The following ANXA4 variants were observed in gnomAD, a reference collection of about 807,000 sequenced individuals.
ANXA4 encodes the protein 35-beta calcimedin.
A neutral mutation model predicts 49.8 loss-of-function variants in ANXA4; 39 were observed. The observed-to-expected ratio is 0.78, with a 90% confidence interval of 0.61 to 1.02. ANXA4 has a LOEUF of 1.02. Ranked by LOEUF, ANXA4 falls within the 50% of genes least tolerant of loss-of-function variation. ANXA4 has a pLI of 0.00. For missense variants in ANXA4, 360 were observed against 410.1 expected, an observed-to-expected ratio of 0.88 and a Z score of 1.05; for synonymous variants, 134 against 152.5, an observed-to-expected ratio of 0.88 and a Z score of 0.89.
chr2:69,808,007 T>A lies in ANXA4; in HGVS notation c.397+11T>A. The stretch of plus-strand genomic sequence containing the variant: ...AAACCTACCAGCAGCGTACGTGACA[T>A]CCGCAGTGGCCCTGGCTGAGGTTTC... On this transcript the variant is annotated intron_variant, in intron 6 of 12. Coordinates refer to ENST00000394295, the MANE Select transcript of ANXA4 (RefSeq NM_001153.5). The A allele has an allele frequency of 6.2e-7, 1 of 1,613,440 alleles. No individual in the cohort carries two copies.
intron 2 of ANXA4, among the ~76,000 whole-genome samples, chr2:69,653,862 C>T (rs1047712342): frequency 3.9e-5 from 6 of 152,156 alleles, no homozygotes; most frequent in African/African-American, 1.2e-4. Flanking sequence ...TGGATCTATA[C>T]ATTACTTTGG....
At chr2:69,736,507 A>G (rs1189246249) in intron 3 of ANXA4, among the ~76,000 whole-genome samples, 1 of 152,220 alleles carries the variant, frequency 6.6e-6, no homozygotes, top group Non-Finnish European at 1.5e-5. Flanking sequence ...TCTATAGTTA[A>G]GAAAAATTAG....
intron 5 of ANXA4, among the ~76,000 whole-genome samples, chr2:69,806,809 T>C (rs1005709424): frequency 6.6e-6 from 1 of 151,792 alleles, no homozygotes; most frequent in African/African-American, 2.4e-5. Context: ...CATGGACACA[T>C]AGAGGGGAAC....
At chr2:69,663,133 C>A (rs1266188033) in intron 2 of ANXA4, among the ~76,000 whole-genome samples, 1 of 150,160 alleles carries the variant, frequency 6.7e-6, no homozygotes, top group African/African-American at 2.4e-5. Flanking sequence ...GCTGGGACTA[C>A]AGGCGCCCAC....
upstream of ANXA4, chr2:69,644,065 G>T (rs1675891132): frequency 4.7e-6 from 1 of 210,890 alleles, no homozygotes; most frequent in African/African-American, 2.3e-5. Context: ...GGCGGCAGCC[G>T]TGTGGCCTCC....
intron 2 of ANXA4, among the ~76,000 whole-genome samples, chr2:69,679,897 C>A (rs751518611): frequency 2.0e-5 from 3 of 152,162 alleles, no homozygotes; most frequent in Admixed American, 6.6e-5. Context: ...ACTTTGATTG[C>A]TATGCTATAA....
intron 7 of ANXA4, chr2:69,811,045 C>A: frequency 5.8e-6 from 1 of 171,780 alleles, no homozygotes; most frequent in Non-Finnish European, 1.2e-5. Context: ...AAAGGAGAGG[C>A]GCATAGGAAA....
At chr2:69,654,046 A>G (rs1221739437) in intron 2 of ANXA4, among the ~76,000 whole-genome samples, 1 of 152,206 alleles carries the variant, frequency 6.6e-6, no homozygotes, top group Non-Finnish European at 1.5e-5. Flanking sequence ...CTTAGTAGCA[A>G]TTGTGAATGG....
intron 1 of ANXA4, among the ~76,000 whole-genome samples, chr2:69,759,004 C>G (rs6752048): frequency 6.6e-6 from 1 of 151,562 alleles, no homozygotes; most frequent in Non-Finnish European, 1.5e-5. Context: ...GGTATGGTGA[C>G]GCATGCCTGT....
upstream of ANXA4, chr2:69,742,105 A>G (rs1487805781): frequency 4.6e-5 from 7 of 152,196 alleles, no homozygotes; most frequent in East Asian, 1.4e-3. Context: ...CGTCCCGGAT[A>G]AGACCCGCTG....
At chr2:69,681,452 C>T (rs1025463413) in intron 2 of ANXA4, among the ~76,000 whole-genome samples, 1 of 151,384 alleles carries the variant, frequency 6.6e-6, no homozygotes, top group Non-Finnish European at 1.5e-5. Context: ...GCAATATCCA[C>T]CTCCTAGATT....
At chr2:69,692,136 C>T (rs1183547117) in intron 2 of ANXA4, among the ~76,000 whole-genome samples, 6 of 152,136 alleles carry the variant, frequency 3.9e-5, no homozygotes, top group Admixed American at 6.5e-5. Context: ...CCACCCACCT[C>T]GGCCTCCCAA....
At chr2:69,686,906 C>A (rs1364065565) in intron 2 of ANXA4, among the ~76,000 whole-genome samples, 1 of 152,242 alleles carries the variant, frequency 6.6e-6, no homozygotes, top group Non-Finnish European at 1.5e-5. Flanking sequence ...GATAACCCTG[C>A]TGTTCTCTGC....
At chr2:69,686,587 A>G (rs1371949548) in intron 2 of ANXA4, among the ~76,000 whole-genome samples, 1 of 152,160 alleles carries the variant, frequency 6.6e-6, no homozygotes, top group Non-Finnish European at 1.5e-5. Context: ...TGGATAGCTG[A>G]GACCACAGAC....
At chr2:69,787,787 G>A (rs1440026941) in intron 2 of ANXA4, among the ~76,000 whole-genome samples, 1 of 152,222 alleles carries the variant, frequency 6.6e-6, no homozygotes, top group Non-Finnish European at 1.5e-5. Context: ...GGGTCCTGCA[G>A]GACCTCTCTA....
chr2:69,786,269 A>G (rs759449341), intron 2 of ANXA4, among the ~76,000 whole-genome samples: 23 of 152,126 alleles, frequency 1.5e-4, no homozygotes, highest in Non-Finnish European at 3.2e-4. Context: ...ACGTCAGTCC[A>G]TCAGCAAGTT....
At chr2:69,662,298 A>G (rs1249860103) in intron 2 of ANXA4, among the ~76,000 whole-genome samples, 2 of 152,206 alleles carry the variant, frequency 1.3e-5, no homozygotes, top group Admixed American at 6.5e-5. Flanking sequence ...GGATACTCCA[A>G]GACATCCAGG....
intron 1 of ANXA4, among the ~76,000 whole-genome samples, chr2:69,744,452 C>T (rs1670532071): frequency 6.6e-6 from 1 of 152,046 alleles, no homozygotes; most frequent in Admixed American, 6.6e-5. Context: ...AATTGTATAC[C>T]TTTTAAATCT....
chr2:69,763,174 G>T (rs1275266923), intron 1 of ANXA4, among the ~76,000 whole-genome samples: 1 of 152,186 alleles, frequency 6.6e-6, no homozygotes, highest in East Asian at 1.9e-4. Context: ...TTGGAAAGAT[G>T]TGGGGACAGA....
Sources: allele counts gnomAD v4.1 joint callset (sites outside exome capture counted in the v4.1 genomes callset), GRCh38; gene constraint gnomAD v4.1.1; transcripts MANE v1.5; gene names NCBI Gene and HGNC (gene_info 2026-07-23, HGNC 2026-07-21).